Variants in FOXP1 observed in about 807,000 individuals in gnomAD.
FOXP1 encodes forkhead box protein P1.
A neutral mutation model predicts 98.2 loss-of-function variants in FOXP1; 15 were observed. The ratio of observed to expected loss-of-function variants is 0.15; its 90% CI spans 0.10 to 0.24. FOXP1 has a LOEUF of 0.24. Ranked by LOEUF, FOXP1 falls within the 10% of genes least tolerant of loss-of-function variation. FOXP1 has a pLI of 1.00. For synonymous variants in FOXP1, 371 were observed against 314.5 expected (o/e 1.18, Z -1.90); for missense variants, 633 against 848.5 (o/e 0.75, Z 3.15).
rs1235604662 is a variant in FOXP1 at position 71,041,389 on chromosome 3, T to G, written c.808A>C (p.Ile270Leu). 7 of 1,613,674 alleles carry G rather than the reference T, an allele frequency of 4.3e-6. No individual in the cohort carries two copies. Among genetic ancestry groups the G allele is most frequent in the Non-Finnish European group, 5.9e-6 (7 of 1,179,816 alleles). Residue 270 changes from isoleucine to leucine, a missense_variant, in exon 11 of 21, where the codon ATA becomes CTA. By Grantham distance (5) the Ile-to-Leu change is conservative. This residue lies in a region of FOXP1 where 210 missense variants were observed against 270.6 expected (regional missense o/e 0.78). Coordinates refer to ENST00000649528, the MANE Select transcript of FOXP1 (RefSeq NM_001349338.3). ...TTGGTAGAGGCATGTGGGTTCATTA[T>G]TAAGGAGGTCTTGGAAGGTGCAGAG... is the stretch of plus-strand genomic sequence containing the variant. ...SSSAPSKTSLIMNPHASTNGQ... is the reference protein window; with the variant it reads ...SSSAPSKTSLLMNPHASTNGQ...
At chr3:71,423,496 CTT>C (rs1316988452) in intron 3 of FOXP1, among the ~76,000 whole-genome samples, 1 of 152,254 alleles carries the variant, frequency 6.6e-6, no homozygotes, top group Non-Finnish European at 1.5e-5. Flanking sequence ...AACTGCTCAA[CTT>C]TATAGGATAT....
chr3:71,286,488 T>C (rs1016859969), intron 5 of FOXP1, among the ~76,000 whole-genome samples: 2 of 152,170 alleles, frequency 1.3e-5, no homozygotes, highest in Admixed American at 1.3e-4. Context: ...AGAGTTAATC[T>C]GAATGAAACC....
intron 2 of FOXP1, among the ~76,000 whole-genome samples, chr3:71,555,119 A>G (rs1393762861): frequency 6.6e-6 from 1 of 152,212 alleles, no homozygotes; most frequent in Non-Finnish European, 1.5e-5. Context: ...AGTTTACAGT[A>G]TTCAAAAATG....
Position 71,294,884 on chromosome 3 carries a change from C to T in FOXP1, c.-12+4936G>A, listed in dbSNP as rs192101886. ...GCTTGCTTTGGACATCTCCATAGTG[C>T]GGCAACAACATAGCTTCAACCATAT... On this transcript the variant is annotated intron_variant, in intron 5 of 20. Transcript: ENST00000649528. Among the ~76,000 whole-genome samples the T allele has an allele frequency of 1.8e-4, 28 of 152,236 alleles. No homozygotes were observed. In the East Asian group the frequency reaches 4.6e-3, roughly 25 times the overall value.
intron 2 of FOXP1, among the ~76,000 whole-genome samples, chr3:71,508,759 G>A (rs2042002131): frequency 6.6e-6 from 1 of 152,140 alleles, no homozygotes. Flanking sequence ...AACCTCCCAA[G>A]GGCTTAGGGC....
At chr3:71,355,513 G>T (rs1329875589) in intron 4 of FOXP1, among the ~76,000 whole-genome samples, 1 of 152,194 alleles carries the variant, frequency 6.6e-6, no homozygotes, top group African/African-American at 2.4e-5. Context: ...AGTCCTGGGA[G>T]GCATGGAAGG....
chr3:71,194,273 AAAAAG>A (rs1239399960), intron 6 of FOXP1, among the ~76,000 whole-genome samples: 4 of 151,800 alleles, frequency 2.6e-5, no homozygotes, highest in Admixed American at 1.3e-4. Context: ...AAAAAAAAAA[AAAAAG>A]AAAGAAAGAA....
intron 2 of FOXP1, among the ~76,000 whole-genome samples, chr3:71,531,762 G>A (rs1486724915): frequency 2.0e-5 from 3 of 152,156 alleles, no homozygotes; most frequent in Non-Finnish European, 2.9e-5. Context: ...AACCTACATG[G>A]AAAAGGCTTA....
intron 7 of FOXP1, among the ~76,000 whole-genome samples, chr3:71,057,891 G>C (rs1004654795): frequency 6.6e-6 from 1 of 152,090 alleles, no homozygotes; most frequent in Non-Finnish European, 1.5e-5. Context: ...CCAGCAACTG[G>C]GAAAACGGTG....
intron 19 of FOXP1, among the ~76,000 whole-genome samples, chr3:70,968,128 G>C (rs2035353365): frequency 6.6e-6 from 1 of 152,134 alleles, no homozygotes; most frequent in Admixed American, 6.5e-5. Context: ...AGCCACAGTA[G>C]TGAAACGCAT....
intron 2 of FOXP1, among the ~76,000 whole-genome samples, chr3:71,578,642 T>C (rs746838270): frequency 6.6e-6 from 1 of 152,354 alleles, no homozygotes; most frequent in Non-Finnish European, 1.5e-5. Flanking sequence ...TCACATCTGC[T>C]ATATTCCTTC....
At chr3:71,251,060 G>A (rs2068149561) in intron 5 of FOXP1, among the ~76,000 whole-genome samples, 1 of 152,160 alleles carries the variant, frequency 6.6e-6, no homozygotes, top group South Asian at 2.1e-4. Context: ...GATTAGAATT[G>A]TAGATTTATA....
chr3:71,140,752 G>GA (rs1206823478), intron 6 of FOXP1, among the ~76,000 whole-genome samples: 2 of 152,186 alleles, frequency 1.3e-5, no homozygotes, highest in African/African-American at 4.8e-5. Context: ...AAGCTTAAGG[G>GA]AAAATCAGAG....
At chr3:71,447,691 G>A (rs1650228272) in intron 3 of FOXP1, among the ~76,000 whole-genome samples, 1 of 152,174 alleles carries the variant, frequency 6.6e-6, no homozygotes, top group African/African-American at 2.4e-5. Context: ...TTCAGACACA[G>A]GTTGCAACAG....
At chr3:71,248,974 T>C (rs976302045) in intron 5 of FOXP1, among the ~76,000 whole-genome samples, 3 of 152,156 alleles carry the variant, frequency 2.0e-5, no homozygotes, top group Non-Finnish European at 4.4e-5. Flanking sequence ...GCATTGGTCA[T>C]TGAAACAAGG....
chr3:71,112,427 A>G (rs1042617272), intron 7 of FOXP1, 109 bp downstream of exon 7: 2 of 943,614 alleles, frequency 2.1e-6, no homozygotes, highest in Non-Finnish European at 3.4e-6. Context: ...CACTTTCCAC[A>G]GAAGATTTTC....
At chr3:70,970,661 A>G in intron 19 of FOXP1, 75 bp downstream of exon 19, 1 of 1,162,632 alleles carries the variant, frequency 8.6e-7, no homozygotes, top group Admixed American at 1.7e-5. Flanking sequence ...TAATTAGAGC[A>G]AGGCTAATAT....
chr3:71,581,973 T>C, intron 1 of FOXP1: 4 of 708,560 alleles, frequency 5.6e-6, no homozygotes, highest in Non-Finnish European at 6.7e-6. Context: ...GGGGGAGGAA[T>C]AGGGAGAAGG....
rs1291756377 is a variant in FOXP1, at chr3:71,112,619, G to C, written c.199C>G (p.Gln67Glu). Residue 67 changes from glutamine (Q) to glutamate (E), a missense_variant, in exon 7 of 21, where the codon CAG becomes GAG. Coordinates refer to ENST00000649528, the MANE Select transcript of FOXP1 (RefSeq NM_001349338.3). ...QQQQALQVAR[Q>E]LLLQQQQQQQ... ...TGCTGTTGCTGCTGAAGAAGGAGCT[G>C]TCTTGCCACCTGAAGTGCCTGGAAG... 6.2e-7 allele frequency: 1 copy of C among 1,613,924 alleles called. No individual in the cohort carries two copies. Among genetic ancestry groups the C allele is most frequent in the Non-Finnish European group, 8.5e-7 (1 of 1,179,832 alleles).
Sources: allele counts gnomAD v4.1 joint callset (sites outside exome capture counted in the v4.1 genomes callset), GRCh38; gene constraint gnomAD v4.1.1; regional missense constraint gnomAD v4.1.1; transcripts MANE v1.5; gene names NCBI Gene and HGNC (gene_info 2026-07-23, HGNC 2026-07-21).